Variants in ARID1B observed in about 807,000 individuals in gnomAD.
ARID1B encodes the protein AT-rich interactive domain-containing protein 1B.
ARID1B carries 30 observed loss-of-function variants against 212.3 expected under a neutral mutation model. The observed-to-expected ratio is 0.14, with a 90% CI of 0.11 to 0.19. The LOEUF is 0.19. Ranked by LOEUF, ARID1B falls within the 10% of genes least tolerant of loss-of-function variation. The pLI, the probability that ARID1B is intolerant of heterozygous loss-of-function variation, is 1.00. For synonymous variants in ARID1B, 1,402 were observed against 1,301.7 expected (o/e 1.08, Z -1.66); for missense variants, 2,891 against 3,204.0 (o/e 0.90, Z 2.36).
intron 2 of ARID1B, among the ~76,000 whole-genome samples, chr6:156,887,389 G>T (rs1787597693): frequency 6.6e-6 from 1 of 152,136 alleles, no homozygotes; most frequent in Admixed American, 6.5e-5. Context: ...ACCCTTGCAT[G>T]ATTACCATTG....
chr6:157,019,816 C>T (rs1780117311), intron 4 of ARID1B, among the ~76,000 whole-genome samples: 1 of 152,162 alleles, frequency 6.6e-6, no homozygotes, highest in Admixed American at 6.5e-5. Flanking sequence ...GGGTCACCTC[C>T]GCGGATATAC....
intron 4 of ARID1B, chr6:156,937,502 T>A (rs1016689547): frequency 3.3e-5 from 5 of 152,238 alleles, no homozygotes; most frequent in African/African-American, 1.2e-4. Context: ...TAAACTGCTT[T>A]CTTCATATCT....
At position 157,119,972 on chromosome 6, in the gene ARID1B, A is replaced by G. The variant is rs576010330; in HGVS notation, c.2581+9411A>G. On this transcript the variant is annotated intron_variant, in intron 6 of 19. Coordinates refer to ENST00000636930, the MANE Select transcript of ARID1B (RefSeq NM_001374828.1). ...TTGGACTATTTGTGAAATGAGGATC[A>G]TGGATATATTGCACAATTCAAATAA... Among the ~76,000 whole-genome samples the G allele has an allele frequency of 9.2e-5, 14 of 152,368 alleles. No homozygotes were observed. In the South Asian group the frequency reaches 2.7e-3, roughly 29 times the overall value.
intron 4 of ARID1B, among the ~76,000 whole-genome samples, chr6:157,012,040 T>C (rs1345995066): frequency 6.6e-6 from 1 of 152,188 alleles, no homozygotes; most frequent in African/African-American, 2.4e-5. Flanking sequence ...GTCTATAAAA[T>C]AGCAATTTAG....
chr6:157,178,543 T>G (rs1422377487), intron 11 of ARID1B, among the ~76,000 whole-genome samples: 1 of 152,204 alleles, frequency 6.6e-6, no homozygotes, highest in Non-Finnish European at 1.5e-5. Context: ...ATTTATCACG[T>G]AAACTGAGGC....
intron 3 of ARID1B, among the ~76,000 whole-genome samples, chr6:156,914,399 T>G (rs1214366561): frequency 6.6e-6 from 1 of 152,240 alleles, no homozygotes; most frequent in African/African-American, 2.4e-5. Flanking sequence ...TGACGGTATC[T>G]TCCTCCTCGG....
chr6:156,813,710 C>G (rs1001640544), intron 1 of ARID1B, among the ~76,000 whole-genome samples: 6 of 152,186 alleles, frequency 3.9e-5, no homozygotes, highest in African/African-American at 1.2e-4. Context: ...CAAAATGATT[C>G]CAGTTTGTGT....
rs1477609340 is a variant in ARID1B, at chr6:156,833,003, G to A, written c.1986+3582G>A. Among the ~76,000 whole-genome samples the A allele has an allele frequency of 4.6e-5, 7 of 152,160 alleles. No homozygotes were observed. In the South Asian group the frequency reaches 8.3e-4, roughly 18 times the overall value. On this transcript the variant is annotated intron_variant, in intron 2 of 19. Transcript: ENST00000636930. ...ATGGCTAAACAGATTAGTTTTGCAC[G>A]GTGCCCTAAAAACTAGTCTACTTGG...
chr6:157,179,355 C>A (rs1303108705), intron 11 of ARID1B, among the ~76,000 whole-genome samples: 1 of 152,106 alleles, frequency 6.6e-6, no homozygotes, highest in Non-Finnish European at 1.5e-5. Context: ...TGTGTTAGAG[C>A]AGCCTCTTTT....
At chr6:156,954,457 TGTGA>T (rs1311083572) in intron 4 of ARID1B, among the ~76,000 whole-genome samples, 19 of 152,310 alleles carry the variant, frequency 1.2e-4, no homozygotes, top group Admixed American at 4.6e-4. Context: ...TTTTTTTATC[TGTGA>T]GTATTTTGTC....
At chr6:157,089,971 G>C (rs983470307) in intron 5 of ARID1B, among the ~76,000 whole-genome samples, 3 of 152,174 alleles carry the variant, frequency 2.0e-5, no homozygotes, top group African/African-American at 7.2e-5. Context: ...TATTGAACAG[G>C]TCTTGGGTCT....
At chr6:156,805,274 T>C (rs1273966690) in intron 1 of ARID1B, among the ~76,000 whole-genome samples, 1 of 152,224 alleles carries the variant, frequency 6.6e-6, no homozygotes, top group Non-Finnish European at 1.5e-5. Context: ...TGCAGCCTGC[T>C]GTGCTGGATG....
chr6:156,797,628 C>T (rs543976426), intron 1 of ARID1B, among the ~76,000 whole-genome samples: 1 of 152,286 alleles, frequency 6.6e-6, no homozygotes, highest in African/African-American at 2.4e-5. Context: ...GAAGGTGTTC[C>T]TGCTTTTGGA....
intron 11 of ARID1B, among the ~76,000 whole-genome samples, chr6:157,180,368 T>TA (rs1031751728): frequency 0.011 from 1,403 of 131,268 alleles, 10 homozygotes; most frequent in African/African-American, 0.029. Flanking sequence ...TTAGTTTATC[T>TA]AAAAAAAAAA....
chr6:156,825,493 T>C (rs558512506), intron 1 of ARID1B, among the ~76,000 whole-genome samples: 1 of 152,358 alleles, frequency 6.6e-6, no homozygotes, highest in African/African-American at 2.4e-5. Context: ...TAAGTAGGAC[T>C]GTGAGAGTTG....
chr6:156,987,236 T>A (rs1341214576), intron 4 of ARID1B, among the ~76,000 whole-genome samples: 1 of 151,544 alleles, frequency 6.6e-6, no homozygotes. Context: ...AAGCAAAATA[T>A]AAGATGGGGT....
chr6:157,175,056 G>GT (rs748262607), intron 11 of ARID1B, 51 bp downstream of exon 11: 7 of 1,287,130 alleles, frequency 5.4e-6, no homozygotes, highest in Admixed American at 3.1e-5. Context: ...TTTTTTTGGG[G>GT]TTTTTTGATA....
intron 2 of ARID1B, among the ~76,000 whole-genome samples, chr6:156,890,807 A>G (rs1196490355): frequency 3.9e-5 from 6 of 152,258 alleles, no homozygotes. Flanking sequence ...GCATACAGTA[A>G]GTGCTCAATA....
At position 156,778,808 on chromosome 6, in the gene ARID1B, C is replaced by A. The variant is rs2114986498; in HGVS notation, c.1128C>A (p.Ser376Arg). Residue 376 changes from serine to arginine, a missense_variant, in exon 1 of 20, where the codon AGC becomes AGA. This residue lies in a region of ARID1B where 1,643 missense variants were observed against 1,544.0 expected (regional missense o/e 1.06). Transcript: ENST00000636930. ...ACTCCCACGAAGGGTACCCCAACAG[C>A]CAGTGCAACCATTATCCGGGCTACA... The part of the protein sequence containing the change: ...LQNSHEGYPN[S>R]QCNHYPGYSR... The A allele has an allele frequency of 1.3e-6, 2 of 1,487,226 alleles. No individual in the cohort carries two copies. Among genetic ancestry groups the A allele is most frequent in the Non-Finnish European group, 9.0e-7 (1 of 1,115,140 alleles). 92.1% of individuals were successfully genotyped at this position (1,487,226 alleles called of 1,614,324 possible).
Sources: gnomAD v4.1 joint callset for allele counts (sites outside exome capture counted in the v4.1 genomes callset) on GRCh38, gnomAD v4.1.1 for gene constraint, gnomAD v4.1.1 regional missense constraint, MANE v1.5 for transcripts, NCBI Gene and HGNC (gene_info 2026-07-23, HGNC 2026-07-21) for gene names.